Variants in STRN4 observed in about 807,000 individuals in gnomAD.
STRN4 encodes the protein striatin-4.
STRN4 carries 27 observed loss-of-function variants against 77.9 expected under a neutral mutation model. That is an observed-to-expected ratio of 0.35 (90% CI 0.26 to 0.48). STRN4 has a LOEUF of 0.48. Ranked by LOEUF, STRN4 falls within the 20% of genes least tolerant of loss-of-function variation. STRN4 has a pLI of 0.99. For missense variants in STRN4, 798 were observed against 1,049.7 expected, an observed-to-expected ratio of 0.76 and a Z score of 3.31; for synonymous variants, 466 against 443.1, an observed-to-expected ratio of 1.05 and a Z score of -0.65.
chr19:46,738,138 C>T lies in STRN4; in HGVS notation c.460+26G>A, dbSNP rs2054405930. ...CTCAGCTTCTGCGGGAGGGTGCCGA[C>T]AGTGCGAGCATCAGAGGGTGGGTAC... On this transcript the variant is annotated intron_variant, in intron 3 of 17. Coordinates refer to ENST00000263280, the MANE Select transcript of STRN4 (RefSeq NM_013403.3). The surrounding 1 kb of genome is among the most constrained non-coding windows in gnomAD (Gnocchi z 4.5). The T allele has an allele frequency of 2.5e-6, 4 of 1,611,180 alleles. No individual in the cohort carries two copies. The African/African-American group carries it at 4.0e-5, about 16-fold the overall frequency.
intron 8 of STRN4, 125 bp downstream of exon 8, chr19:46,727,769 G>T: frequency 1.1e-6 from 1 of 911,088 alleles, no homozygotes; most frequent in Non-Finnish European, 1.6e-6. Flanking sequence ...AACTTTTGGG[G>T]CAGGGAGGCT....
rs2054070315 is a variant in STRN4 at position 46,724,847 on chromosome 19, C to T, written c.1554G>A (p.Trp518Ter). ...SGGADACIHS[W>*]KIPDLSMDPY... ...GATCCATGCTGAGGTCTGGAATCTTCCAACTATGGATGCAGGCATCTGCCC... is the reference window on the plus strand; with the variant it reads ...GATCCATGCTGAGGTCTGGAATCTTTCAACTATGGATGCAGGCATCTGCCC... The change falls in exon 12 of 18, where the codon TGG becomes TGA. Residue 518 changes from tryptophan to a stop codon, truncating the protein, a stop_gained. Transcript: ENST00000263280. LOFTEE classifies it high-confidence loss of function. The T allele has an allele frequency of 6.2e-7, 1 of 1,613,902 alleles. No homozygotes were observed. Among genetic ancestry groups the T allele is most frequent in the Non-Finnish European group, 8.5e-7 (1 of 1,180,030 alleles).
chr19:46,732,656 A>C, intron 5 of STRN4: 1 of 206,820 alleles, frequency 4.8e-6, no homozygotes, highest in South Asian at 7.6e-5. Context: ...TGTTCTGCTT[A>C]ACTGACAATT....
intron 4 of STRN4, among the ~76,000 whole-genome samples, chr19:46,734,915 C>A (rs776497063): frequency 2.6e-5 from 4 of 152,168 alleles, no homozygotes; most frequent in Non-Finnish European, 5.9e-5. Context: ...CTGCCCGCCT[C>A]GGCCTCCCAA....
At chr19:46,730,920 C>A in intron 5 of STRN4, 47 bp from the exon 6 acceptor site, 2 of 1,598,512 alleles carry the variant, frequency 1.3e-6, no homozygotes, top group South Asian at 2.2e-5. Context: ...TGGCAGGTGT[C>A]AAAGCTCAGA....
Position 46,746,329 on chromosome 19 carries a change from G to C in STRN4, c.102C>G (p.Val34=). Reference sequence around the variant, plus strand: ...GGCCCGGCCCGGGGGCAGGGGCGGAGACCGGGGCCGCCCCAGTGGGGCCAG... The same window carrying C: ...GGCCCGGCCCGGGGGCAGGGGCGGACACCGGGGCCGCCCCAGTGGGGCCAG... ...AGPGPTGAAP[V]SAPAPGPGPA... The change falls in exon 1 of 18, where the codon GTC becomes GTG. Residue 34 remains valine (V), a synonymous_variant. Transcript: ENST00000263280. The C allele has an allele frequency of 7.7e-7, 1 of 1,304,094 alleles. No individual in the cohort carries two copies. Among genetic ancestry groups the C allele is most frequent in the Middle Eastern group, 2.8e-4 (1 of 3,510 alleles). 80.8% of individuals were successfully genotyped at this position (1,304,094 alleles called of 1,614,324 possible). A position where few individuals can be genotyped will look rare whatever the true frequency, so the allele number is the denominator to read the frequency against.
chr19:46,730,733 T>C lies in STRN4; in HGVS notation c.878A>G (p.Lys293Arg), dbSNP rs747370774. Residue 293 changes from lysine to arginine, a missense_variant and splice_region_variant, in exon 6 of 18, where the codon AAG becomes AGG. By Grantham distance (26) the Lys-to-Arg change is conservative. Transcript: ENST00000263280. ...GCAGGGCATGGAGGAAGGGCTCACC[T>C]TCACACGCTGCTTCTTGTGCTGCAC... ...DSVQHKKQRV[K>R]LPSKALVPEM... The C allele has an allele frequency of 3.7e-6, 6 of 1,611,636 alleles. No homozygotes were observed. The East Asian group carries it at 1.1e-4, about 30-fold the overall frequency.
chr19:46,726,956 C>A (rs1395660008), intron 9 of STRN4, among the ~76,000 whole-genome samples: 1 of 152,164 alleles, frequency 6.6e-6, no homozygotes, highest in Non-Finnish European at 1.5e-5. Context: ...CTGAATCTCA[C>A]AGCAGTCCCC....
chr19:46,719,595 G>A lies in STRN4; in HGVS notation c.*810C>T, dbSNP rs2053927282. 6.6e-6 allele frequency: 1 copy of A among 152,652 alleles called. No homozygotes were observed. The highest frequency in any genetic ancestry group is 2.4e-5 in the African/African-American group (1 of 41,432). The allele number at this position is 152,652 out of a possible 1,614,324, so 9.5% of individuals were successfully genotyped here. ...GGGCTTATAAACAGGAACCTGGAAG[G>A]GGACCGAGGGTGCAGGGTAGAACCA... On this transcript the variant is annotated 3_prime_UTR_variant, in exon 18 of 18. Coordinates refer to ENST00000263280, the MANE Select transcript of STRN4 (RefSeq NM_013403.3).
At chr19:46,724,281 A>G (rs2054053877) in intron 12 of STRN4, among the ~76,000 whole-genome samples, 4 of 149,336 alleles carry the variant, frequency 2.7e-5, no homozygotes, top group African/African-American at 7.4e-5. Context: ...AAAAAGGCAG[A>G]GAACAGGGGG....
chr19:46,720,078 G>C lies in STRN4; in HGVS notation c.*327C>G, dbSNP rs2053941024. The C allele has an allele frequency of 6.6e-6, 1 of 152,460 alleles. No homozygotes were observed. Among genetic ancestry groups the C allele is most frequent in the Non-Finnish European group, 1.5e-5 (1 of 68,222 alleles). 9.4% of individuals were successfully genotyped at this position (152,460 alleles called of 1,614,324 possible). On this transcript the variant is annotated 3_prime_UTR_variant, in exon 18 of 18. Coordinates refer to ENST00000263280, the MANE Select transcript of STRN4 (RefSeq NM_013403.3). Reference sequence around the variant, plus strand: ...CACCTTCTGGAGTCTTGGAAAAACTGATCCCTAAAGACACCCGGCCCTGGC... The same window carrying C: ...CACCTTCTGGAGTCTTGGAAAAACTCATCCCTAAAGACACCCGGCCCTGGC...
rs1206017771 is a variant in STRN4 at position 46,725,001 on chromosome 19, C to T, written c.1473-73G>A. On this transcript the variant is annotated intron_variant, in intron 11 of 17. Transcript: ENST00000263280. ...CTCCCCTGGCCACAGGACCTAAGTT[C>T]CCTACTAGCATTCTTCAAGGATGGC... 4.4e-6 allele frequency: 7 copies of T among 1,600,050 alleles called. No individual in the cohort carries two copies. The Admixed American group carries it at 5.0e-5, about 12-fold the overall frequency.
intron 9 of STRN4, 159 bp from the exon 10 acceptor site, chr19:46,725,807 T>C (rs2054098157): frequency 4.4e-6 from 4 of 912,062 alleles, no homozygotes; most frequent in Non-Finnish European, 6.5e-6. Flanking sequence ...CCCCTTCCTC[T>C]GCTGGGCAGA....
intron 3 of STRN4, among the ~76,000 whole-genome samples, chr19:46,737,838 G>A (rs1046013876): frequency 6.6e-6 from 1 of 152,102 alleles, no homozygotes; most frequent in Non-Finnish European, 1.5e-5. Flanking sequence ...CCTCAGTGAC[G>A]TCTTCCCCGG....
At position 46,731,029 on chromosome 19, in the gene STRN4, C is replaced by T. The variant is rs1016453250; in HGVS notation, c.738-156G>A. The T allele has an allele frequency of 1.2e-5, 12 of 1,003,790 alleles. No homozygotes were observed. In the East Asian group the frequency reaches 2.9e-4, roughly 24 times the overall value. 62.2% of individuals were successfully genotyped at this position (1,003,790 alleles called of 1,614,324 possible). Reference sequence around the variant, plus strand: ...ACTCTGGTCACACACAGAGCCCCAACCCCAGCCTCTGCCCAACAAATGCTC... The same window carrying T: ...ACTCTGGTCACACACAGAGCCCCAATCCCAGCCTCTGCCCAACAAATGCTC... On this transcript the variant is annotated intron_variant, in intron 5 of 17. Transcript: ENST00000263280.
intron 1 of STRN4, among the ~76,000 whole-genome samples, chr19:46,742,337 G>C (rs543646562): frequency 6.6e-6 from 1 of 151,994 alleles, no homozygotes; most frequent in Admixed American, 6.6e-5. Context: ...AAGCAGGGTC[G>C]CACGGCAGGT....
chr19:46,722,332 G>C lies in STRN4; in HGVS notation c.1915C>G (p.Gln639Glu), dbSNP rs1402530351. 1.9e-6 allele frequency: 3 copies of C among 1,614,052 alleles called. No homozygotes were observed. The highest frequency in any genetic ancestry group is 4.5e-5 in the East Asian group (2 of 44,862). ...GGATGACTCACCACTTGGTTGATCT[G>C]GGTTGGACCTGAAGGAAAACGCAGG... is the stretch of plus-strand genomic sequence containing the variant. ...LESRGSSGPTQINQVVSHPNQ... is the reference protein window; with the variant it reads ...LESRGSSGPTEINQVVSHPNQ... The change falls in exon 15 of 18, where the codon CAG becomes GAG. Residue 639 changes from glutamine (Q) to glutamate (E), a missense_variant. By Grantham distance (29) the Gln-to-Glu change is conservative. This residue lies in a region of STRN4 where 287 missense variants were observed against 473.8 expected (regional missense o/e 0.61). Transcript: ENST00000263280.
chr19:46,736,929 T>C, intron 3 of STRN4, 28 bp from the exon 4 acceptor site: 1 of 1,607,466 alleles, frequency 6.2e-7, no homozygotes, highest in Non-Finnish European at 8.5e-7. Context: ...GGAGGCTGTC[T>C]TAAGTCAGGC....
intron 11 of STRN4, 39 bp downstream of exon 11, chr19:46,725,293 T>C (rs1271261476): frequency 6.2e-7 from 1 of 1,613,650 alleles, no homozygotes; most frequent in Non-Finnish European, 8.5e-7. Context: ...AGGCTGCATT[T>C]AGGACGAGTT....
Sources: allele counts gnomAD v4.1 joint callset (sites outside exome capture counted in the v4.1 genomes callset), GRCh38; gene constraint gnomAD v4.1.1; regional missense constraint gnomAD v4.1.1; non-coding constraint Gnocchi (gnomAD v3.1); transcripts MANE v1.5; gene names NCBI Gene and HGNC (gene_info 2026-07-23, HGNC 2026-07-21).